KCNT2: variants seen among roughly 807,000 people sequenced by gnomAD.
KCNT2 encodes the protein potassium sodium-activated channel subfamily T member 2.
Under a neutral mutation model 153.8 loss-of-function variants are expected in KCNT2, and 67 were observed. The ratio of observed to expected loss-of-function variants is 0.44; its 90% confidence interval spans 0.36 to 0.53. The LOEUF is 0.53. Ranked by LOEUF, KCNT2 falls within the 20% of genes least tolerant of loss-of-function variation. The pLI is 0.00. For synonymous variants in KCNT2, 500 were observed against 458.8 expected (o/e 1.09, Z -1.15); for missense variants, 975 against 1,354.8 (o/e 0.72, Z 4.40).
intron 26 of KCNT2, among the ~76,000 whole-genome samples, chr1:196,251,019 G>A (rs564792788): frequency 6.0e-4 from 92 of 152,228 alleles, no homozygotes; most frequent in African/African-American, 2.1e-3. Flanking sequence ...TACACTGTTG[G>A]TGGGAACGTA....
chr1:196,270,342 A>G (rs1187156520), intron 25 of KCNT2, among the ~76,000 whole-genome samples: 3 of 152,034 alleles, frequency 2.0e-5, no homozygotes, highest in Non-Finnish European at 2.9e-5. Flanking sequence ...TTCTGTAACC[A>G]AAAGGTTCAT....
intron 7 of KCNT2, among the ~76,000 whole-genome samples, chr1:196,467,347 A>C (rs571805930): frequency 6.6e-6 from 1 of 152,146 alleles, no homozygotes; most frequent in Admixed American, 6.6e-5. Flanking sequence ...ACAAGTTTTC[A>C]TTCTGAGTAA....
chr1:196,501,908 C>A (rs1558014359), intron 1 of KCNT2, among the ~76,000 whole-genome samples: 1 of 152,126 alleles, frequency 6.6e-6, no homozygotes, highest in South Asian at 2.1e-4. Flanking sequence ...TGCCTGAGCT[C>A]AGGAGTTTGA....
chr1:196,439,526 T>C (rs1046308615), intron 8 of KCNT2, among the ~76,000 whole-genome samples: 2 of 151,926 alleles, frequency 1.3e-5, no homozygotes, highest in African/African-American at 4.8e-5. Flanking sequence ...TTTCAACAAA[T>C]AGTTATTGAT....
chr1:196,552,850 T>C (rs1658108951), intron 1 of KCNT2, among the ~76,000 whole-genome samples: 1 of 151,330 alleles, frequency 6.6e-6, no homozygotes, highest in Non-Finnish European at 1.5e-5. Flanking sequence ...TTGTCAGCAG[T>C]TTAAAATATT....
intron 1 of KCNT2, among the ~76,000 whole-genome samples, chr1:196,600,441 C>G (rs1664596189): frequency 6.6e-6 from 1 of 152,186 alleles, no homozygotes; most frequent in Non-Finnish European, 1.5e-5. Context: ...GTTTTTATTA[C>G]ATGAGCGTTT....
intron 1 of KCNT2, among the ~76,000 whole-genome samples, chr1:196,575,344 G>C (rs1209366350): frequency 6.6e-6 from 1 of 151,726 alleles, no homozygotes; most frequent in Non-Finnish European, 1.5e-5. Flanking sequence ...TTTCTCTTTT[G>C]AGAAAATGGA....
At chr1:196,512,777 T>C (rs184856536) in intron 1 of KCNT2, among the ~76,000 whole-genome samples, 22 of 152,256 alleles carry the variant, frequency 1.4e-4, no homozygotes, top group Non-Finnish European at 2.9e-4. Context: ...ATGGAAATAT[T>C]GAACCCAAAC....
intron 1 of KCNT2, among the ~76,000 whole-genome samples, chr1:196,530,624 T>C (rs915530202): frequency 3.9e-5 from 6 of 152,092 alleles, no homozygotes; most frequent in African/African-American, 7.2e-5. Flanking sequence ...GCTGAAATTA[T>C]GTTGTGTTTT....
At chr1:196,380,087 G>A (rs1669346031) in intron 13 of KCNT2, among the ~76,000 whole-genome samples, 1 of 152,124 alleles carries the variant, frequency 6.6e-6, no homozygotes. Context: ...TCTCACTTTT[G>A]TAAAAATGCT....
intron 3 of KCNT2, 108 bp from the exon 4 acceptor site, chr1:196,482,487 A>C: frequency 1.9e-6 from 1 of 524,088 alleles, no homozygotes; most frequent in Non-Finnish European, 3.2e-6. Flanking sequence ...ATAAAAAGAC[A>C]AAATATCAAA....
chr1:196,401,477 T>TA lies in KCNT2; in HGVS notation c.1186-2807dup, dbSNP rs76423535. Among the ~76,000 whole-genome samples the TA allele has an allele frequency of 9.9e-5, 15 of 151,258 alleles. No individual in the cohort carries two copies. The East Asian group carries it at 2.4e-3, about 24-fold the overall frequency. On this transcript the variant is annotated intron_variant, in intron 12 of 27. Coordinates refer to ENST00000294725, the MANE Select transcript of KCNT2 (RefSeq NM_198503.5). ...AATGTAATGAAAAACATGTTTGTAA[T>TA]AAAAAAAAGAAAATTTCAGCAGAGT...
intron 1 of KCNT2, among the ~76,000 whole-genome samples, chr1:196,595,587 A>T (rs1435531286): frequency 6.6e-6 from 1 of 152,214 alleles, no homozygotes; most frequent in Non-Finnish European, 1.5e-5. Context: ...CATCAAGTAT[A>T]AATCTAGATT....
At chr1:196,554,792 ACCAACTGGGATATATC>A (rs1658424913) in intron 1 of KCNT2, among the ~76,000 whole-genome samples, 1 of 151,414 alleles carries the variant, frequency 6.6e-6, no homozygotes, top group Non-Finnish European at 1.5e-5. Flanking sequence ...ATTTATCATG[ACCAACTGGGATATATC>A]CCAGGGATGA....
chr1:196,344,653 A>G (rs1665981547), intron 14 of KCNT2, among the ~76,000 whole-genome samples: 1 of 152,182 alleles, frequency 6.6e-6, no homozygotes, highest in Non-Finnish European at 1.5e-5. Flanking sequence ...ACTAATTGTC[A>G]TGCAAGGGTA....
chr1:196,546,602 A>G (rs1225726275), intron 1 of KCNT2, among the ~76,000 whole-genome samples: 2 of 152,056 alleles, frequency 1.3e-5, no homozygotes, highest in African/African-American at 4.8e-5. Flanking sequence ...AAGCAACAGT[A>G]GTATAAAAGG....
chr1:196,555,881 G>C (rs1658587062), intron 1 of KCNT2, among the ~76,000 whole-genome samples: 1 of 151,338 alleles, frequency 6.6e-6, no homozygotes, highest in Non-Finnish European at 1.5e-5. Flanking sequence ...TGACAAATGT[G>C]TCAAAACTAT....
At chr1:196,421,030 A>G (rs1482525527) in intron 12 of KCNT2, among the ~76,000 whole-genome samples, 1 of 152,044 alleles carries the variant, frequency 6.6e-6, no homozygotes, top group Non-Finnish European at 1.5e-5. Context: ...CTATTTTCTG[A>G]GACTGTTGAG....
At chr1:196,563,177 A>G (rs1270314896) in intron 1 of KCNT2, among the ~76,000 whole-genome samples, 4 of 152,002 alleles carry the variant, frequency 2.6e-5, no homozygotes, top group African/African-American at 9.7e-5. Context: ...CAGGCCTTAG[A>G]AATACGAAAG....
Sources: gnomAD v4.1 joint callset for allele counts (sites outside exome capture counted in the v4.1 genomes callset) on GRCh38, gnomAD v4.1.1 for gene constraint, MANE v1.5 for transcripts, NCBI Gene and HGNC (gene_info 2026-07-23, HGNC 2026-07-21) for gene names.